The following RCOR1 variants were observed in gnomAD, a reference collection of about 807,000 sequenced individuals.
RCOR1 encodes the protein REST corepressor 1.
In RCOR1, 12 loss-of-function variants were observed where a neutral mutation model predicts 64.0. That is an observed-to-expected ratio of 0.19 (90% CI 0.12 to 0.30). The LOEUF is 0.30. RCOR1 is among the 10% of genes least tolerant of loss of function. The pLI is 1.00. For synonymous variants in RCOR1, 279 were observed against 227.2 expected, an observed-to-expected ratio of 1.23 and a Z score of -2.05; for missense variants, 502 against 621.2, an observed-to-expected ratio of 0.81 and a Z score of 2.04.
At chr14:102,673,334 A>C (rs1423630637) in intron 2 of RCOR1, among the ~76,000 whole-genome samples, 1 of 127,538 alleles carries the variant, frequency 7.8e-6, no homozygotes, top group Non-Finnish European at 1.7e-5. Context: ...CCAATCCCTG[A>C]TTTTTTTTTT....
intron 11 of RCOR1, among the ~76,000 whole-genome samples, chr14:102,724,451 C>A (rs991030988): frequency 6.6e-6 from 1 of 152,072 alleles, no homozygotes; most frequent in African/African-American, 2.4e-5. Flanking sequence ...CAGCCCTCAG[C>A]CTCCCTAGTA....
chr14:102,686,649 T>C (rs1328926841), intron 3 of RCOR1, among the ~76,000 whole-genome samples: 1 of 152,232 alleles, frequency 6.6e-6, no homozygotes, highest in African/African-American at 2.4e-5. Flanking sequence ...ACTGTTTCTG[T>C]AGAATGCCTT....
chr14:102,719,527 G>A (rs1218001880), intron 8 of RCOR1, among the ~76,000 whole-genome samples: 2 of 152,068 alleles, frequency 1.3e-5, no homozygotes, highest in African/African-American at 2.4e-5. Context: ...GCGATAGTTT[G>A]CTCAGAATGA....
intron 2 of RCOR1, among the ~76,000 whole-genome samples, chr14:102,635,403 C>T (rs1006278798): frequency 6.6e-6 from 1 of 152,040 alleles, no homozygotes; most frequent in Non-Finnish European, 1.5e-5. Context: ...ACTCGGGAGG[C>T]TGAGGTGGGA....
intron 2 of RCOR1, among the ~76,000 whole-genome samples, chr14:102,619,231 C>T (rs1893823031): frequency 1.3e-5 from 2 of 152,088 alleles, no homozygotes; most frequent in South Asian, 2.1e-4. Context: ...AAGTGATTCT[C>T]CTGCCTTAGC....
Position 102,729,867 on chromosome 14 carries a change from C to CT in RCOR1, c.*3363dup, listed in dbSNP as rs1566717447. 2 of 398,940 alleles carry CT rather than the reference C, an allele frequency of 5.0e-6. No homozygotes were observed. The highest frequency in any genetic ancestry group is 4.1e-5 in the African/African-American group (2 of 48,636). 24.7% of individuals were successfully genotyped at this position (398,940 alleles called of 1,614,324 possible). On this transcript the variant is annotated 3_prime_UTR_variant, in exon 12 of 12. Coordinates refer to ENST00000262241, the MANE Select transcript of RCOR1 (RefSeq NM_015156.4). ...CTCCAACGAGGGCCTCTTTTTCTCT[C>CT]TTGTCTAGCCTGTTTCTAAACCGAA... is the stretch of plus-strand genomic sequence containing the variant.
chr14:102,594,130 T>C (rs1351814245), intron 2 of RCOR1, among the ~76,000 whole-genome samples: 1 of 152,156 alleles, frequency 6.6e-6, no homozygotes, highest in Non-Finnish European at 1.5e-5. Context: ...AAAAATCCGA[T>C]CAGACAAAGG....
intron 3 of RCOR1, among the ~76,000 whole-genome samples, chr14:102,697,395 T>G (rs1184618973): frequency 4.6e-5 from 7 of 152,254 alleles, no homozygotes; most frequent in African/African-American, 1.7e-4. Flanking sequence ...GTACATAACC[T>G]GTGCTGCCTT....
intron 7 of RCOR1, among the ~76,000 whole-genome samples, chr14:102,712,938 T>A (rs1018319725): frequency 6.8e-6 from 1 of 147,100 alleles, no homozygotes; most frequent in African/African-American, 2.5e-5. Flanking sequence ...AGAAAATGGC[T>A]AAATCATTGT....
At chr14:102,664,610 C>T (rs1894882639) in intron 2 of RCOR1, among the ~76,000 whole-genome samples, 2 of 152,182 alleles carry the variant, frequency 1.3e-5, no homozygotes, top group Admixed American at 1.3e-4. Flanking sequence ...AGTTGCTGCC[C>T]AGCCTTCTTG....
At chr14:102,640,157 A>G in intron 2 of RCOR1, among the ~76,000 whole-genome samples, 1 of 151,414 alleles carries the variant, frequency 6.6e-6, no homozygotes, top group East Asian at 2.0e-4. Context: ...ATATATATGT[A>G]TTTTTTATTT....
intron 2 of RCOR1, among the ~76,000 whole-genome samples, chr14:102,676,723 C>T (rs1327525046): frequency 1.4e-4 from 14 of 100,100 alleles, no homozygotes; most frequent in African/African-American, 4.7e-4. Flanking sequence ...GCTGGCCGGG[C>T]GGGGGGCTGA....
Position 102,722,178 on chromosome 14 carries a change from C to A in RCOR1, c.1190-9C>A. Reference sequence around the variant, plus strand: ...TTGTATTTTAAAAAATGCTTTCTTACATCCTTAGCCATCAGGAAATATGGC... The same window carrying A: ...TTGTATTTTAAAAAATGCTTTCTTAAATCCTTAGCCATCAGGAAATATGGC... On this transcript the variant is annotated splice_polypyrimidine_tract_variant and intron_variant, in intron 10 of 11. Transcript: ENST00000262241. The A allele has an allele frequency of 6.2e-7, 1 of 1,604,234 alleles. No homozygotes were observed. The highest frequency in any genetic ancestry group is 8.5e-7 in the Non-Finnish European group (1 of 1,171,504).
intron 2 of RCOR1, chr14:102,657,538 A>C: frequency 2.0e-6 from 2 of 983,696 alleles, no homozygotes; most frequent in Non-Finnish European, 2.4e-6. Flanking sequence ...GTTTACTCTC[A>C]AGATCTGATG....
At chr14:102,694,833 A>G (rs1040647032) in intron 3 of RCOR1, among the ~76,000 whole-genome samples, 1 of 152,258 alleles carries the variant, frequency 6.6e-6, no homozygotes, top group African/African-American at 2.4e-5. Flanking sequence ...AGATGCCACA[A>G]TATTTGTTAC....
intron 4 of RCOR1, among the ~76,000 whole-genome samples, chr14:102,704,077 AAG>A (rs1339073445): frequency 1.3e-5 from 2 of 152,216 alleles, no homozygotes; most frequent in Admixed American, 1.3e-4. Flanking sequence ...CCTCTTATCC[AAG>A]AGAGTTGAGA....
At chr14:102,670,809 T>G (rs886979937) in intron 2 of RCOR1, among the ~76,000 whole-genome samples, 1 of 151,776 alleles carries the variant, frequency 6.6e-6, no homozygotes, top group Non-Finnish European at 1.5e-5. Flanking sequence ...GTCTTGCTCT[T>G]GTCGCCCAGG....
At chr14:102,649,215 C>G (rs1298271012) in intron 2 of RCOR1, among the ~76,000 whole-genome samples, 4 of 152,054 alleles carry the variant, frequency 2.6e-5, no homozygotes, top group Non-Finnish European at 5.9e-5. Flanking sequence ...AATGGACTTA[C>G]AACAACAGAA....
Position 102,592,846 on chromosome 14 carries a change from C to T in RCOR1, c.-41C>T. 1 of 1,177,100 alleles carries T rather than the reference C, an allele frequency of 8.5e-7. No homozygotes were observed. The highest frequency in any genetic ancestry group is 1.0e-6 in the Non-Finnish European group (1 of 955,152). The allele number at this position is 1,177,100 out of a possible 1,614,324, so 72.9% of individuals were successfully genotyped here. A position where few individuals can be genotyped will look rare whatever the true frequency, so the allele number is the denominator to read the frequency against. ...GTCTCGGCGCCCCCTCCTCAGGAGC[C>T]GCGGGTCCCCGCCACTTTCGCACGG... On this transcript the variant is annotated 5_prime_UTR_variant, in exon 1 of 12. Transcript: ENST00000262241.
Sources: allele counts gnomAD v4.1 joint callset (sites outside exome capture counted in the v4.1 genomes callset), GRCh38; gene constraint gnomAD v4.1.1; transcripts MANE v1.5; gene names NCBI Gene and HGNC (gene_info 2026-07-23, HGNC 2026-07-21).